The following CNTN4 variants were observed in gnomAD, a reference collection of about 807,000 sequenced individuals.
CNTN4 encodes the protein contactin-4.
A neutral mutation model predicts 122.5 loss-of-function variants in CNTN4; 77 were observed. The observed-to-expected ratio is 0.63, with a 90% confidence interval of 0.52 to 0.76. The LOEUF is 0.76. Ranked by LOEUF, CNTN4 falls within the 30% of genes least tolerant of loss-of-function variation. CNTN4 has a pLI of 0.00. For synonymous variants in CNTN4, 512 were observed against 447.0 expected, an observed-to-expected ratio of 1.15 and a Z score of -1.83; for missense variants, 1,256 against 1,259.1, an observed-to-expected ratio of 1.00 and a Z score of 0.04.
chr3:2,771,778 A>G (rs899829391), intron 6 of CNTN4, among the ~76,000 whole-genome samples: 2 of 152,198 alleles, frequency 1.3e-5, no homozygotes, highest in Non-Finnish European at 2.9e-5. Flanking sequence ...TATGTGGTAA[A>G]TGAAAAGACA....
At chr3:2,296,294 T>G (rs1056965938) in intron 2 of CNTN4, among the ~76,000 whole-genome samples, 5 of 152,196 alleles carry the variant, frequency 3.3e-5, no homozygotes, top group Non-Finnish European at 5.9e-5. Context: ...ATGATATTGA[T>G]TCTTCCTACC....
intron 7 of CNTN4, among the ~76,000 whole-genome samples, chr3:2,855,081 C>T (rs571484027): frequency 8.5e-5 from 13 of 152,252 alleles, no homozygotes; most frequent in African/African-American, 2.2e-4. Context: ...CACCTAGTTC[C>T]CTGAAATTCT....
At chr3:3,037,936 G>A (rs1200814840) in intron 18 of CNTN4, among the ~76,000 whole-genome samples, 1 of 152,168 alleles carries the variant, frequency 6.6e-6, no homozygotes, top group Admixed American at 6.5e-5. Context: ...AGGGTCAGCC[G>A]TACTTTTACT....
chr3:2,737,947 C>T (rs1378344735), intron 5 of CNTN4, among the ~76,000 whole-genome samples: 8 of 152,090 alleles, frequency 5.3e-5, no homozygotes, highest in Non-Finnish European at 1.5e-5. Flanking sequence ...AATTTGTAAA[C>T]TGCAAGATAG....
chr3:2,336,706 A>T (rs572192846), intron 2 of CNTN4, among the ~76,000 whole-genome samples: 2 of 152,234 alleles, frequency 1.3e-5, no homozygotes, highest in South Asian at 2.1e-4. Flanking sequence ...ACCTAACCTC[A>T]TGGGGACTTG....
intron 2 of CNTN4, among the ~76,000 whole-genome samples, chr3:2,273,865 CT>C (rs1310527820): frequency 1.3e-5 from 2 of 152,024 alleles, no homozygotes; most frequent in Non-Finnish European, 2.9e-5. Flanking sequence ...CTTAATGTAT[CT>C]TTTTTTCTTA....
intron 3 of CNTN4, among the ~76,000 whole-genome samples, chr3:2,390,151 A>G (rs934591709): frequency 9.2e-5 from 14 of 152,008 alleles, no homozygotes; most frequent in African/African-American, 3.4e-4. Context: ...AATATACAAT[A>G]AATTATTTAG....
chr3:2,752,299 T>C (rs2090133857), intron 6 of CNTN4, among the ~76,000 whole-genome samples: 1 of 152,228 alleles, frequency 6.6e-6, no homozygotes, highest in Non-Finnish European at 1.5e-5. Flanking sequence ...AACTATCATT[T>C]CTTTGTGTTG....
At chr3:2,281,076 A>G (rs985119602) in intron 2 of CNTN4, among the ~76,000 whole-genome samples, 3 of 152,246 alleles carry the variant, frequency 2.0e-5, no homozygotes, top group South Asian at 2.1e-4. Flanking sequence ...TGACCTAACA[A>G]GCAAAGTTAC....
At chr3:2,876,611 C>T (rs2093847817) in intron 8 of CNTN4, among the ~76,000 whole-genome samples, 1 of 152,194 alleles carries the variant, frequency 6.6e-6, no homozygotes, top group Admixed American at 6.5e-5. Context: ...TCTCCTTCTG[C>T]CAACAGAGTC....
At chr3:2,283,202 C>T (rs1184744751) in intron 2 of CNTN4, among the ~76,000 whole-genome samples, 1 of 151,920 alleles carries the variant, frequency 6.6e-6, no homozygotes, top group Non-Finnish European at 1.5e-5. Flanking sequence ...ACAGAGAGTA[C>T]AAAGATCAGA....
At chr3:2,699,620 T>G (rs146795849) in intron 4 of CNTN4, among the ~76,000 whole-genome samples, 1 of 152,298 alleles carries the variant, frequency 6.6e-6, no homozygotes, top group East Asian at 1.9e-4. Flanking sequence ...GAGCGCTTAG[T>G]GTCCGAATGG....
chr3:2,823,106 T>C (rs2092913109), intron 7 of CNTN4, among the ~76,000 whole-genome samples: 1 of 152,178 alleles, frequency 6.6e-6, no homozygotes, highest in African/African-American at 2.4e-5. Flanking sequence ...CCAATGCAAC[T>C]GAACGGCAGT....
intron 4 of CNTN4, among the ~76,000 whole-genome samples, chr3:2,654,540 G>A (rs141679197): frequency 6.6e-6 from 1 of 152,110 alleles, no homozygotes; most frequent in Non-Finnish European, 1.5e-5. Flanking sequence ...GCCAACCCAA[G>A]GGTATTAATT....
In CNTN4 at chr3:2,397,957, T is replaced by C. The variant is rs186665614; in HGVS notation, c.-89+58724T>C. 1.0e-3 allele frequency among the ~76,000 whole-genome samples: 155 copies of C among 152,252 alleles called. 2 individuals carry two copies. The highest frequency in any genetic ancestry group is 3.6e-3 in the African/African-American group (151 of 41,574). On this transcript the variant is annotated intron_variant, in intron 3 of 24. Coordinates refer to ENST00000418658, the MANE Select transcript of CNTN4 (RefSeq NM_175607.3). ...TCTAAGAAAATGAAGAGTGTATTCA[T>C]TCTATTAAAAAATGGCTAAATATGA... is the stretch of plus-strand genomic sequence containing the variant.
chr3:2,138,776 C>T lies in CNTN4; in HGVS notation c.-145+38137C>T, dbSNP rs549529098. On this transcript the variant is annotated intron_variant, in intron 2 of 24. Transcript: ENST00000418658. Reference sequence around the variant, plus strand: ...CACCATTAGCTCTTCTCTGGATCTCCAGCTTATAGATGGCAGATTTTGGAA... The same window carrying T: ...CACCATTAGCTCTTCTCTGGATCTCTAGCTTATAGATGGCAGATTTTGGAA... Among the ~76,000 whole-genome samples the T allele has an allele frequency of 2.0e-5, 3 of 152,228 alleles. No individual in the cohort carries two copies. In the East Asian group the frequency reaches 5.8e-4, roughly 29 times the overall value.
intron 2 of CNTN4, among the ~76,000 whole-genome samples, chr3:2,212,544 A>G (rs1431343741): frequency 2.0e-5 from 3 of 152,116 alleles, no homozygotes; most frequent in African/African-American, 7.2e-5. Context: ...GAGACTTACT[A>G]CCACAAAAAC....
rs138674717 is a variant in CNTN4, at chr3:2,866,929, C to T, written c.632C>T (p.Pro211Leu). 1.9e-6 allele frequency: 3 copies of T among 1,613,736 alleles called. No individual in the cohort carries two copies. The highest frequency in any genetic ancestry group is 2.5e-6 in the Non-Finnish European group (3 of 1,179,814). ...CACAAGGTCCTGGGGCCACCTACACCACTAATATTGAGAAATGATGGTGAG... is the reference window on the plus strand; with the variant it reads ...CACAAGGTCCTGGGGCCACCTACACTACTAATATTGAGAAATGATGGTGAG... ...TNHKVLGPPT[P>L]LILRNDGVMG... The change falls in exon 8 of 25, where the codon CCA becomes CTA. Residue 211 changes from proline to leucine, a missense_variant. Physicochemically the swap from Pro to Leu is moderately conservative, Grantham distance 98. Transcript: ENST00000418658.
chr3:2,923,844 T>C (rs2094450055), intron 12 of CNTN4, among the ~76,000 whole-genome samples: 1 of 152,222 alleles, frequency 6.6e-6, no homozygotes, highest in Non-Finnish European at 1.5e-5. Context: ...TCTCGTTACA[T>C]AAATATTGAG....
Sources: gnomAD v4.1 joint callset for allele counts (sites outside exome capture counted in the v4.1 genomes callset) on GRCh38, gnomAD v4.1.1 for gene constraint, MANE v1.5 for transcripts, NCBI Gene and HGNC (gene_info 2026-07-23, HGNC 2026-07-21) for gene names.